The following CFAP95 variants were observed in gnomAD, a reference collection of about 807,000 sequenced individuals.
The protein encoded by CFAP95 is cilia- and flagella-associated protein 95.
the CFAP95 span, among the ~76,000 whole-genome samples, chr9:69,879,595 G>A: frequency 2.0e-5 from 3 of 152,276 alleles, no homozygotes; most frequent in East Asian, 1.9e-4. Flanking sequence ...TTAAAATGAG[G>A]TGGAATTTGG....
the CFAP95 span, chr9:69,821,103 A>C: frequency 6.4e-7 from 1 of 1,554,466 alleles, no homozygotes; most frequent in Non-Finnish European, 8.7e-7. Context: ...GGAACAGGAA[A>C]GGAAAGGAGA....
At chr9:69,855,289 T>C in the CFAP95 span, among the ~76,000 whole-genome samples, 35 of 152,360 alleles carry the variant, frequency 2.3e-4, no homozygotes, top group South Asian at 6.4e-3. Flanking sequence ...AGTTGGTTGA[T>C]TTGCTGAAAT....
the CFAP95 span, among the ~76,000 whole-genome samples, chr9:69,855,363 A>G: frequency 6.6e-6 from 1 of 152,258 alleles, no homozygotes; most frequent in African/African-American, 2.4e-5. Context: ...TCTTAGCCAA[A>G]AGGCTGAGAA....
chr9:69,841,845 A>G, the CFAP95 span, among the ~76,000 whole-genome samples: 1 of 152,152 alleles, frequency 6.6e-6, no homozygotes, highest in Non-Finnish European at 1.5e-5. Flanking sequence ...GTTCACTATC[A>G]TGAGAACAGC....
At chr9:69,839,690 G>C in the CFAP95 span, among the ~76,000 whole-genome samples, 35 of 151,552 alleles carry the variant, frequency 2.3e-4, no homozygotes, top group African/African-American at 8.5e-4. Context: ...GCCTCCCAAA[G>C]TGCTGGGATT....
the CFAP95 span, among the ~76,000 whole-genome samples, chr9:69,897,715 T>C: frequency 4.6e-5 from 7 of 152,208 alleles, no homozygotes; most frequent in South Asian, 8.3e-4. Flanking sequence ...AGAGTAAGGA[T>C]AGAGCATACA....
At chr9:69,879,790 T>A in the CFAP95 span, among the ~76,000 whole-genome samples, 44 of 152,264 alleles carry the variant, frequency 2.9e-4, no homozygotes, top group Non-Finnish European at 5.9e-4. Context: ...TGGCCTGATA[T>A]CTCCTATTGT....
chr9:69,839,501 A>G, the CFAP95 span, among the ~76,000 whole-genome samples: 1 of 151,998 alleles, frequency 6.6e-6, no homozygotes, highest in Non-Finnish European at 1.5e-5. Flanking sequence ...ATCTCAGCTA[A>G]CTGCAACCTC....
the CFAP95 span, chr9:69,844,625 A>G: frequency 1.2e-6 from 2 of 1,600,830 alleles, no homozygotes; most frequent in African/African-American, 2.7e-5. Flanking sequence ...ATGAATCCCC[A>G]GTAAGTAGTT....
the CFAP95 span, among the ~76,000 whole-genome samples, chr9:69,868,799 T>C: frequency 7.3e-6 from 1 of 137,564 alleles, no homozygotes; most frequent in Non-Finnish European, 1.6e-5. Flanking sequence ...CTCATACAAC[T>C]TATTAGAAAA....
chr9:69,864,768 C>A, the CFAP95 span, among the ~76,000 whole-genome samples: 1 of 152,142 alleles, frequency 6.6e-6, no homozygotes, highest in African/African-American at 2.4e-5. Flanking sequence ...TGGTACTCTT[C>A]AGAGGAAAGG....
the CFAP95 span, among the ~76,000 whole-genome samples, chr9:69,857,223 C>T: frequency 8.0e-4 from 122 of 152,098 alleles, no homozygotes; most frequent in Non-Finnish European, 1.1e-3. Context: ...GTTGGACTTG[C>T]ATTCTAGTTA....
At chr9:69,841,342 G>T in the CFAP95 span, among the ~76,000 whole-genome samples, 2 of 151,656 alleles carry the variant, frequency 1.3e-5, no homozygotes, top group East Asian at 3.9e-4. Flanking sequence ...GCTGCTGTAG[G>T]GATGTACTCC....
At chr9:69,833,806 A>G in the CFAP95 span, among the ~76,000 whole-genome samples, 143,726 of 152,246 alleles carry the variant, frequency 0.94, 68,127 homozygotes, top group East Asian at 1. Flanking sequence ...GGAAAAATGT[A>G]CATTTGTGTA....
At chr9:69,822,178 C>A in the CFAP95 span, among the ~76,000 whole-genome samples, 282 of 151,782 alleles carry the variant, frequency 1.9e-3, 1 homozygote, top group African/African-American at 6.5e-3. Context: ...TTGGGAGGGG[C>A]GTGAAGAAAA....
At chr9:69,824,479 A>G in the CFAP95 span, among the ~76,000 whole-genome samples, 1 of 152,200 alleles carries the variant, frequency 6.6e-6, no homozygotes, top group South Asian at 2.1e-4. Context: ...ACTGAGGTCA[A>G]ACAAAGCAAG....
At chr9:69,877,726 G>T in the CFAP95 span, among the ~76,000 whole-genome samples, 2 of 152,094 alleles carry the variant, frequency 1.3e-5, no homozygotes, top group Non-Finnish European at 2.9e-5. Context: ...TGTCATCCAT[G>T]GAAGATGATG....
chr9:69,861,663 G>A, the CFAP95 span, among the ~76,000 whole-genome samples: 3 of 138,716 alleles, frequency 2.2e-5, no homozygotes, highest in Non-Finnish European at 4.5e-5. Context: ...CCACATGTCA[G>A]TCTTCTCTTC....
the CFAP95 span, among the ~76,000 whole-genome samples, chr9:69,846,968 G>A: frequency 6.6e-6 from 1 of 152,172 alleles, no homozygotes; most frequent in Admixed American, 6.5e-5. Context: ...TTCTCCAGTT[G>A]AGAGAGGTTT....
Sources: gnomAD v4.1 joint callset for allele counts (sites outside exome capture counted in the v4.1 genomes callset) on GRCh38, gnomAD v4.1.1 for gene constraint, MANE v1.5 for transcripts, NCBI Gene and HGNC (gene_info 2026-07-23, HGNC 2026-07-21) for gene names.